The following ERC1 variants were observed in gnomAD, a reference collection of about 807,000 sequenced individuals.
ERC1 encodes the protein RAB6 interacting protein 2.
In ERC1, 56 loss-of-function variants were observed where a neutral mutation model predicts 132.0. The ratio of observed to expected loss-of-function variants is 0.42; its 90% CI spans 0.34 to 0.53. The LOEUF (loss-of-function observed/expected upper bound fraction) is 0.53. Ranked by LOEUF, ERC1 falls within the 20% of genes least tolerant of loss-of-function variation. ERC1 has a pLI of 0.03. For synonymous variants in ERC1, 478 were observed against 476.1 expected, an observed-to-expected ratio of 1.00 and a Z score of -0.05; for missense variants, 1,202 against 1,349.9, an observed-to-expected ratio of 0.89 and a Z score of 1.72.
At position 1,371,918 on chromosome 12, in the gene ERC1, G is replaced by C; in HGVS notation, c.2866G>C (p.Glu956Gln). 6.2e-7 allele frequency: 1 copy of C among 1,614,144 alleles called. No individual in the cohort carries two copies. Among genetic ancestry groups the C allele is most frequent in the South Asian group, 1.1e-5 (1 of 91,076 alleles). The stretch of plus-strand genomic sequence containing the variant: ...TTCGTCCTCTAAGAAGAAGACCCAA[G>C]AGGAAGTGGCTGCCCTGAAGCGGGA... ...ELSSSKKKTQEEVAALKREKD... is the reference protein window; with the variant it reads ...ELSSSKKKTQQEVAALKREKD... The change falls in exon 16 of 19, where the codon GAG becomes CAG. Residue 956 changes from glutamate (E) to glutamine (Q), a missense_variant. Transcript: ENST00000360905.
intron 12 of ERC1, among the ~76,000 whole-genome samples, chr12:1,228,979 A>G (rs1345519994): frequency 6.6e-6 from 1 of 152,060 alleles, no homozygotes; most frequent in Admixed American, 6.6e-5. Flanking sequence ...TTCTTTTCTT[A>G]TAGTATCCTT....
chr12:1,148,217 A>G (rs780131172), intron 8 of ERC1, among the ~76,000 whole-genome samples: 1 of 152,256 alleles, frequency 6.6e-6, no homozygotes, highest in Non-Finnish European at 1.5e-5. Context: ...TCACACTGCT[A>G]TAAAGATACT....
At chr12:1,440,165 G>C (rs1436949614) in intron 17 of ERC1, among the ~76,000 whole-genome samples, 1 of 149,208 alleles carries the variant, frequency 6.7e-6, no homozygotes, top group Non-Finnish European at 1.5e-5. Context: ...AAACAATTTA[G>C]AATTTCATTC....
chr12:1,375,711 T>C (rs1403104123), intron 16 of ERC1, among the ~76,000 whole-genome samples: 1 of 149,470 alleles, frequency 6.7e-6, no homozygotes, highest in Non-Finnish European at 1.5e-5. Flanking sequence ...AGGGGTAGTC[T>C]CAGTAAGCAT....
chr12:1,034,457 T>C (rs1968681243), intron 2 of ERC1, among the ~76,000 whole-genome samples: 1 of 151,932 alleles, frequency 6.6e-6, no homozygotes, highest in African/African-American at 2.4e-5. Context: ...AATTAAGAAA[T>C]ATTGTGGAAA....
chr12:1,213,879 G>A (rs1193355775), intron 12 of ERC1, among the ~76,000 whole-genome samples: 1 of 151,914 alleles, frequency 6.6e-6, no homozygotes, highest in Non-Finnish European at 1.5e-5. Flanking sequence ...ACTCAGCCTT[G>A]GTGACAGAAT....
At chr12:1,102,114 G>A (rs967578626) in intron 3 of ERC1, among the ~76,000 whole-genome samples, 2 of 152,022 alleles carry the variant, frequency 1.3e-5, no homozygotes, top group African/African-American at 4.8e-5. Flanking sequence ...TTTTAAAGAC[G>A]TTCCTTCTTT....
At position 1,003,116 on chromosome 12, in the gene ERC1, ACTC is replaced by A. The variant is rs1377970606; in HGVS notation, c.-157+11795_-157+11797del. On this transcript the variant is annotated intron_variant, in intron 1 of 18. Transcript: ENST00000360905. ...AAATGCAAAAAAAAAAAAAAAAAAG[ACTC>A]AAAAAAAAAAAGAGAAAAGAAATGT... is the stretch of plus-strand genomic sequence containing the variant. 4.6e-4 allele frequency among the ~76,000 whole-genome samples: 57 copies of A among 122,756 alleles called. 2 individuals carry two copies. Among genetic ancestry groups the A allele is most frequent in the Middle Eastern group, 4.7e-3 (1 of 214 alleles). 80.5% of individuals were successfully genotyped at this position (122,756 alleles called of 152,430 possible).
intron 12 of ERC1, among the ~76,000 whole-genome samples, chr12:1,225,848 T>A (rs1471127684): frequency 1.3e-5 from 2 of 152,172 alleles, no homozygotes; most frequent in Non-Finnish European, 2.9e-5. Context: ...ACCATTTAAA[T>A]TTTTTTCTCT....
chr12:1,250,048 G>C (rs2076380172), intron 13 of ERC1, among the ~76,000 whole-genome samples: 1 of 152,160 alleles, frequency 6.6e-6, no homozygotes, highest in Admixed American at 6.5e-5. Flanking sequence ...TTCTGATTCT[G>C]ATCTGATCTG....
intron 12 of ERC1, among the ~76,000 whole-genome samples, chr12:1,214,591 T>A (rs1465436341): frequency 6.6e-6 from 1 of 151,970 alleles, no homozygotes; most frequent in Non-Finnish European, 1.5e-5. Flanking sequence ...GTTTGGATCT[T>A]AATGAAAGGG....
intron 18 of ERC1, among the ~76,000 whole-genome samples, chr12:1,483,668 CTTTTTTTTTTTTTTTTTTTT>C (rs35596394): frequency 1.3e-4 from 7 of 55,190 alleles, no homozygotes; most frequent in East Asian, 8.0e-4. Context: ...CCACTGAGAG[CTTTTTTTTTTTTTTTTTTTT>C]TTTTTTTTTT....
At chr12:1,215,456 C>T (rs1008195424) in intron 12 of ERC1, among the ~76,000 whole-genome samples, 3 of 152,090 alleles carry the variant, frequency 2.0e-5, no homozygotes, top group Non-Finnish European at 4.4e-5. Flanking sequence ...GTACTTTGCA[C>T]TATGTCTTTT....
chr12:1,258,091 C>A (rs1237397400), intron 13 of ERC1, among the ~76,000 whole-genome samples: 1 of 152,080 alleles, frequency 6.6e-6, no homozygotes, highest in Non-Finnish European at 1.5e-5. Flanking sequence ...TCTAAGCTAG[C>A]GGCAGATTAA....
chr12:1,279,463 A>C (rs900354807), intron 14 of ERC1, among the ~76,000 whole-genome samples: 2 of 152,128 alleles, frequency 1.3e-5, no homozygotes, highest in Non-Finnish European at 2.9e-5. Context: ...CTGTCCTGGA[A>C]GTCCAGGAAA....
At position 1,183,418 on chromosome 12, in the gene ERC1, A is replaced by G; in HGVS notation, c.2154A>G (p.Lys718=). The part of the protein sequence containing the change: ...EECLKMESQL[K]KAHEAALEAR... ...GTCTGAAAATGGAATCACAATTGAA[A>G]AAGGTTAAAGAAAAAATTTCACATT... Residue 718 remains lysine (K), a synonymous_variant, in exon 11 of 19, where the codon AAA becomes AAG. Coordinates refer to ENST00000360905, the MANE Select transcript of ERC1 (RefSeq NM_178040.4). 6.4e-7 allele frequency: 1 copy of G among 1,560,484 alleles called. No individual in the cohort carries two copies. The highest frequency in any genetic ancestry group is 2.3e-5 in the East Asian group (1 of 44,132).
chr12:1,081,500 T>C (rs1942190987), intron 2 of ERC1, among the ~76,000 whole-genome samples: 1 of 152,226 alleles, frequency 6.6e-6, no homozygotes, highest in African/African-American at 2.4e-5. Context: ...TTTTCTTTTT[T>C]TCTTGGTTCT....
intron 8 of ERC1, among the ~76,000 whole-genome samples, chr12:1,154,383 T>A (rs1273499245): frequency 1.5e-5 from 2 of 129,840 alleles, no homozygotes; most frequent in Non-Finnish European, 3.3e-5. Context: ...ACACACACAC[T>A]TTCTGTCTCT....
chr12:1,422,531 CTT>C (rs138250049), intron 17 of ERC1, among the ~76,000 whole-genome samples: 1 of 147,638 alleles, frequency 6.8e-6, no homozygotes, highest in African/African-American at 2.5e-5. Context: ...GAATTTCATT[CTT>C]TTTTTTTTTA....
Sources: gnomAD v4.1 joint callset for allele counts (sites outside exome capture counted in the v4.1 genomes callset) on GRCh38, gnomAD v4.1.1 for gene constraint, MANE v1.5 for transcripts, NCBI Gene and HGNC (gene_info 2026-07-23, HGNC 2026-07-21) for gene names.